The following SPAG16 variants were observed in gnomAD, a reference collection of about 807,000 sequenced individuals.
The protein encoded by SPAG16 is sperm associated antigen 16, also known as sperm-associated antigen 16 protein.
In SPAG16, 86 loss-of-function variants were observed where a neutral mutation model predicts 80.4. That is an observed-to-expected ratio of 1.07 (90% confidence interval 0.90 to 1.28). SPAG16 has a LOEUF of 1.28. Among genes scored for constraint, SPAG16 ranks in the 50% most tolerant of loss-of-function variants. The pLI, the probability that SPAG16 is intolerant of heterozygous loss-of-function variation, is 0.00. For synonymous variants in SPAG16, 294 were observed against 265.9 expected, an observed-to-expected ratio of 1.11 and a Z score of -1.03; for missense variants, 870 against 765.3, an observed-to-expected ratio of 1.14 and a Z score of -1.61.
chr2:214,397,880 C>G (rs1482353408), intron 15 of SPAG16, among the ~76,000 whole-genome samples: 4 of 152,104 alleles, frequency 2.6e-5, no homozygotes, highest in Non-Finnish European at 4.4e-5. Flanking sequence ...AGTGTCATTC[C>G]TCCTAAAATG....
Position 213,292,694 on chromosome 2 carries a change from A to C in SPAG16, c.137-3370A>C, listed in dbSNP as rs192826993. The stretch of plus-strand genomic sequence containing the variant: ...AAAAAAACAAAAAAAACAAAAAAAA[A>C]CAAAACTATCAGAAAGATATAAATC... On this transcript the variant is annotated intron_variant, in intron 1 of 15. Coordinates refer to ENST00000331683, the MANE Select transcript of SPAG16 (RefSeq NM_024532.5). Among the ~76,000 whole-genome samples the C allele has an allele frequency of 4.9e-3, 712 of 145,898 alleles. 55 individuals carry two copies. The highest frequency in any genetic ancestry group is 0.018 in the African/African-American group (640 of 36,418).
chr2:213,657,317 C>T (rs2063256465), intron 10 of SPAG16, among the ~76,000 whole-genome samples: 1 of 152,006 alleles, frequency 6.6e-6, no homozygotes. Flanking sequence ...CCCTCATTTC[C>T]CTTCTGTAAA....
At chr2:213,744,468 ACT>A (rs2067723796) in intron 10 of SPAG16, among the ~76,000 whole-genome samples, 1 of 151,892 alleles carries the variant, frequency 6.6e-6, no homozygotes, top group African/African-American at 2.4e-5. Flanking sequence ...TTCTGTCTTT[ACT>A]CTTTTTTTTG....
At chr2:213,435,568 G>GA (rs1156269277) in intron 9 of SPAG16, among the ~76,000 whole-genome samples, 2 of 151,760 alleles carry the variant, frequency 1.3e-5, no homozygotes, top group African/African-American at 2.4e-5. Context: ...AATCCTGTTA[G>GA]AAAAAAATGT....
chr2:214,116,412 C>T (rs886462053), intron 14 of SPAG16, among the ~76,000 whole-genome samples: 2 of 152,180 alleles, frequency 1.3e-5, no homozygotes, highest in African/African-American at 4.8e-5. Flanking sequence ...TTTTGAGGTG[C>T]ACCAGACTCA....
chr2:213,444,278 G>A (rs1032055281), intron 9 of SPAG16, among the ~76,000 whole-genome samples: 3 of 152,102 alleles, frequency 2.0e-5, no homozygotes, highest in Admixed American at 1.3e-4. Flanking sequence ...ATAAAAAACT[G>A]GTCCTGGGGT....
intron 9 of SPAG16, among the ~76,000 whole-genome samples, chr2:213,462,248 A>G (rs1417507743): frequency 6.6e-6 from 1 of 152,222 alleles, no homozygotes; most frequent in African/African-American, 2.4e-5. Flanking sequence ...AATATTTTAC[A>G]TTAAACAGAG....
intron 15 of SPAG16, among the ~76,000 whole-genome samples, chr2:214,324,117 G>T (rs1040137721): frequency 1.3e-5 from 2 of 152,124 alleles, no homozygotes; most frequent in Non-Finnish European, 2.9e-5. Context: ...AATAGCTTAG[G>T]ACTTTGCCTC....
intron 15 of SPAG16, among the ~76,000 whole-genome samples, chr2:214,354,797 G>A (rs1698666360): frequency 6.6e-6 from 1 of 152,036 alleles, no homozygotes; most frequent in Non-Finnish European, 1.5e-5. Flanking sequence ...CTGGCTCTCT[G>A]TTTGTCTGTT....
intron 15 of SPAG16, among the ~76,000 whole-genome samples, chr2:214,387,900 T>C (rs1700850455): frequency 6.6e-6 from 1 of 152,158 alleles, no homozygotes; most frequent in South Asian, 2.1e-4. Context: ...TTATGAGAAC[T>C]ACAATTCAAG....
At chr2:213,650,904 G>GA (rs2062995245) in intron 10 of SPAG16, among the ~76,000 whole-genome samples, 2 of 152,208 alleles carry the variant, frequency 1.3e-5, no homozygotes, top group African/African-American at 2.4e-5. Flanking sequence ...CCAAATTTGA[G>GA]AAAAATGATT....
intron 12 of SPAG16, among the ~76,000 whole-genome samples, chr2:213,970,588 AC>A (rs2044989407): frequency 6.6e-6 from 1 of 152,202 alleles, no homozygotes; most frequent in Admixed American, 6.5e-5. Context: ...GGTGTGAACC[AC>A]CACATCTGGC....
intron 12 of SPAG16, among the ~76,000 whole-genome samples, chr2:214,002,206 A>T (rs2046823634): frequency 6.6e-6 from 1 of 152,196 alleles, no homozygotes; most frequent in Non-Finnish European, 1.5e-5. Context: ...GTGGGGACAC[A>T]GCCAAACCAT....
chr2:214,383,348 A>C (rs911493479), intron 15 of SPAG16, among the ~76,000 whole-genome samples: 2 of 152,206 alleles, frequency 1.3e-5, no homozygotes, highest in Middle Eastern at 3.4e-3. Context: ...TGTGGCAGGC[A>C]GATCACCTGA....
chr2:214,238,217 C>T (rs1576569628), intron 15 of SPAG16: 1 of 430,312 alleles, frequency 2.3e-6, no homozygotes, highest in Middle Eastern at 3.4e-4. Flanking sequence ...TTGAAGTTGC[C>T]AATGGTAGGA....
chr2:213,310,929 T>C (rs1320323740), intron 4 of SPAG16, among the ~76,000 whole-genome samples: 1 of 151,830 alleles, frequency 6.6e-6, no homozygotes, highest in Non-Finnish European at 1.5e-5. Flanking sequence ...TAAAGATGTT[T>C]ATAATTAGGA....
At chr2:213,443,665 C>T (rs902763623) in intron 9 of SPAG16, among the ~76,000 whole-genome samples, 2 of 152,144 alleles carry the variant, frequency 1.3e-5, no homozygotes, top group African/African-American at 4.8e-5. Context: ...TGGGCATATA[C>T]CCAGCAGAAG....
intron 9 of SPAG16, among the ~76,000 whole-genome samples, chr2:213,416,788 A>G (rs565233487): frequency 2.9e-4 from 44 of 152,264 alleles, no homozygotes; most frequent in Admixed American, 1.2e-3. Flanking sequence ...AGTTCATTAT[A>G]CTCATGATCT....
At chr2:214,072,967 C>G (rs2050865598) in intron 13 of SPAG16, among the ~76,000 whole-genome samples, 1 of 151,912 alleles carries the variant, frequency 6.6e-6, no homozygotes, top group Non-Finnish European at 1.5e-5. Flanking sequence ...ATATATTAGG[C>G]CATTTCAATT....
Sources: allele counts gnomAD v4.1 joint callset (sites outside exome capture counted in the v4.1 genomes callset), GRCh38; gene constraint gnomAD v4.1.1; transcripts MANE v1.5; gene names NCBI Gene and HGNC (gene_info 2026-07-23, HGNC 2026-07-21).